KCNQ5: variants seen among roughly 807,000 people sequenced by gnomAD.
KCNQ5 encodes the protein potassium voltage-gated channel subfamily KQT member 5.
KCNQ5 carries 30 observed loss-of-function variants against 98.2 expected under a neutral mutation model. That is an observed-to-expected ratio of 0.31 (90% CI 0.23 to 0.41). KCNQ5 has a LOEUF of 0.41. Ranked by LOEUF, KCNQ5 falls within the 10% of genes least tolerant of loss-of-function variation. KCNQ5 has a pLI of 1.00. For synonymous variants in KCNQ5, 458 were observed against 449.4 expected (o/e 1.02, Z -0.24); for missense variants, 835 against 1,182.5 (o/e 0.71, Z 4.31).
chr6:73,035,459 G>A lies in KCNQ5; in HGVS notation c.490-6477G>A, dbSNP rs575364376. On this transcript the variant is annotated intron_variant, in intron 2 of 13. Coordinates refer to ENST00000370398, the MANE Select transcript of KCNQ5 (RefSeq NM_019842.4). ...TTTAGCTGCCATTTCAGTAAATAGCGAGCATTTTATTTCAACTAAAACCAA... is the reference window on the plus strand; with the variant it reads ...TTTAGCTGCCATTTCAGTAAATAGCAAGCATTTTATTTCAACTAAAACCAA... Among the ~76,000 whole-genome samples, 28 of 152,186 alleles carry A rather than the reference G, an allele frequency of 1.8e-4. No homozygotes were observed. In the South Asian group the frequency reaches 4.6e-3, roughly 25 times the overall value.
chr6:73,153,629 A>G (rs2150483778), intron 10 of KCNQ5, among the ~76,000 whole-genome samples: 1 of 152,260 alleles, frequency 6.6e-6, no homozygotes, highest in East Asian at 1.9e-4. Context: ...AGTTTTGAAG[A>G]CATATGAGGA....
intron 1 of KCNQ5, among the ~76,000 whole-genome samples, chr6:72,660,075 T>C (rs1766432476): frequency 6.6e-6 from 1 of 152,208 alleles, no homozygotes; most frequent in African/African-American, 2.4e-5. Flanking sequence ...CCAGGTCATA[T>C]ATTTCCTCTG....
At chr6:72,756,814 T>G (rs1412813434) in intron 1 of KCNQ5, among the ~76,000 whole-genome samples, 4 of 152,156 alleles carry the variant, frequency 2.6e-5, no homozygotes, top group South Asian at 2.1e-4. Flanking sequence ...CTGGAACATA[T>G]TTGTCATTCC....
At chr6:73,170,701 A>AG (rs577794828) in intron 11 of KCNQ5, among the ~76,000 whole-genome samples, 2 of 152,060 alleles carry the variant, frequency 1.3e-5, no homozygotes, top group Non-Finnish European at 1.5e-5. Flanking sequence ...TCGGAGGCTG[A>AG]GGGGGGCAGA....
intron 1 of KCNQ5, among the ~76,000 whole-genome samples, chr6:72,801,455 C>CT (rs1291694328): frequency 7.4e-6 from 1 of 135,132 alleles, no homozygotes; most frequent in Non-Finnish European, 1.6e-5. Context: ...CAACCCCTGC[C>CT]TTTTTTTGTT....
intron 7 of KCNQ5, among the ~76,000 whole-genome samples, chr6:73,119,990 C>A (rs1582393482): frequency 6.6e-6 from 1 of 151,658 alleles, no homozygotes; most frequent in African/African-American, 2.4e-5. Context: ...GTAATCCCAG[C>A]ACTTTGGGAG....
At chr6:72,800,532 C>A (rs1774588239) in intron 1 of KCNQ5, among the ~76,000 whole-genome samples, 1 of 152,056 alleles carries the variant, frequency 6.6e-6, no homozygotes, top group Non-Finnish European at 1.5e-5. Flanking sequence ...CTTTATTAGT[C>A]TTGCTAGCGG....
At position 73,071,101 on chromosome 6, in the gene KCNQ5, A is replaced by G. The variant is rs189060563; in HGVS notation, c.617-6221A>G. 2.7e-4 allele frequency among the ~76,000 whole-genome samples: 41 copies of G among 152,296 alleles called. 1 individual carries two copies. The highest frequency in any genetic ancestry group is 2.5e-3 in the Admixed American group (39 of 15,296). ...TTTGTTTTTCCCACTGTATTTGCAA[A>G]GATTGAAGACTTATAATATCCCAGG... On this transcript the variant is annotated intron_variant, in intron 3 of 13. Transcript: ENST00000370398.
intron 1 of KCNQ5, among the ~76,000 whole-genome samples, chr6:72,978,430 A>G (rs1238108187): frequency 1.3e-5 from 2 of 152,256 alleles, no homozygotes; most frequent in South Asian, 2.1e-4. Flanking sequence ...TTCAACTGCT[A>G]TCAAGAAGCA....
chr6:72,701,402 G>A lies in KCNQ5; in HGVS notation c.398+78815G>A, dbSNP rs530402505. 1.3e-3 allele frequency among the ~76,000 whole-genome samples: 204 copies of A among 152,204 alleles called. 2 individuals carry two copies. Among genetic ancestry groups the A allele is most frequent in the South Asian group, 2.7e-3 (13 of 4,824 alleles). ...TTTTTTAACTTCTGAAGAGCAAGAA[G>A]CAAATTTTATGATATCGGTTTTGCA... On this transcript the variant is annotated intron_variant, in intron 1 of 13. Coordinates refer to ENST00000370398, the MANE Select transcript of KCNQ5 (RefSeq NM_019842.4).
At chr6:72,674,117 T>G (rs1403902346) in intron 1 of KCNQ5, among the ~76,000 whole-genome samples, 2 of 152,168 alleles carry the variant, frequency 1.3e-5, no homozygotes, top group Non-Finnish European at 2.9e-5. Context: ...CCGTGAATAG[T>G]AAGTGTCACT....
rs61643762 is a variant in KCNQ5 at position 73,042,411 on chromosome 6, G to A, written c.616+349G>A. 5.6e-3 allele frequency among the ~76,000 whole-genome samples: 845 copies of A among 152,244 alleles called. 3 individuals carry two copies. Among genetic ancestry groups the A allele is most frequent in the African/African-American group, 0.019 (803 of 41,538 alleles). On this transcript the variant is annotated intron_variant, in intron 3 of 13. Coordinates refer to ENST00000370398, the MANE Select transcript of KCNQ5 (RefSeq NM_019842.4). Reference sequence around the variant, plus strand: ...TCAATTAACTTATATGGAAATACATGTTTCTCCAGTGTTGCCCTAATTTAG... The same window carrying A: ...TCAATTAACTTATATGGAAATACATATTTCTCCAGTGTTGCCCTAATTTAG...
intron 1 of KCNQ5, among the ~76,000 whole-genome samples, chr6:72,962,388 G>A (rs550512974): frequency 1.1e-4 from 16 of 151,280 alleles, no homozygotes; most frequent in Non-Finnish European, 2.4e-4. Context: ...TACCCACTGA[G>A]CACAACATAC....
intron 1 of KCNQ5, among the ~76,000 whole-genome samples, chr6:72,780,615 A>C (rs182204788): frequency 5.3e-5 from 8 of 152,276 alleles, no homozygotes; most frequent in Non-Finnish European, 8.8e-5. Flanking sequence ...TGGGACATAG[A>C]GTGACTGTTG....
chr6:73,120,476 C>T lies in KCNQ5; in HGVS notation c.1126-7C>T. ...CTTTTTCATGTCCCCATCTATGCCA[C>T]ATGCAGTGTGTTTGGCGTAGTTACG... On this transcript the variant is annotated splice_region_variant and splice_polypyrimidine_tract_variant and intron_variant, in intron 7 of 13. Coordinates refer to ENST00000370398, the MANE Select transcript of KCNQ5 (RefSeq NM_019842.4). 6.2e-7 allele frequency: 1 copy of T among 1,604,602 alleles called. No individual in the cohort carries two copies. Among genetic ancestry groups the T allele is most frequent in the Non-Finnish European group, 8.5e-7 (1 of 1,172,908 alleles).
chr6:72,699,615 A>G (rs1309383578), intron 1 of KCNQ5, among the ~76,000 whole-genome samples: 1 of 152,196 alleles, frequency 6.6e-6, no homozygotes, highest in Non-Finnish European at 1.5e-5. Flanking sequence ...CAATTAAAGG[A>G]CAAATGATGG....
At chr6:73,180,532 G>A (rs188538091) in intron 11 of KCNQ5, among the ~76,000 whole-genome samples, 1 of 152,242 alleles carries the variant, frequency 6.6e-6, no homozygotes, top group East Asian at 1.9e-4. Flanking sequence ...TTTGCAAGCT[G>A]GCATGAATCA....
intron 1 of KCNQ5, among the ~76,000 whole-genome samples, chr6:72,940,490 G>A (rs1324470565): frequency 6.6e-6 from 1 of 152,146 alleles, no homozygotes; most frequent in African/African-American, 2.4e-5. Flanking sequence ...TCCAGTCACT[G>A]GTGATGCGAT....
intron 1 of KCNQ5, among the ~76,000 whole-genome samples, chr6:72,824,507 A>G (rs537502593): frequency 6.6e-6 from 1 of 152,120 alleles, no homozygotes; most frequent in South Asian, 2.1e-4. Context: ...CTATTGCCTG[A>G]GTAATTTAAG....
Sources: gnomAD v4.1 joint callset for allele counts (sites outside exome capture counted in the v4.1 genomes callset) on GRCh38, gnomAD v4.1.1 for gene constraint, MANE v1.5 for transcripts, NCBI Gene and HGNC (gene_info 2026-07-23, HGNC 2026-07-21) for gene names.